Variants in ALS2 observed in about 807,000 individuals in gnomAD.
The protein encoded by ALS2 is alsin.
ALS2 carries 117 observed loss-of-function variants against 203.4 expected under a neutral mutation model. That is an observed-to-expected ratio of 0.58 (90% CI 0.50 to 0.67). The LOEUF is 0.67. Among genes scored for constraint, ALS2 ranks in the 30% least tolerant of loss-of-function variants. ALS2 has a pLI of 0.00. For missense variants in ALS2, 1,715 were observed against 1,989.4 expected (o/e 0.86, Z 2.62); for synonymous variants, 718 against 725.9 (o/e 0.99, Z 0.17).
At chr2:201,778,037 G>A (rs1430473535) in intron 1 of ALS2, among the ~76,000 whole-genome samples, 2 of 151,932 alleles carry the variant, frequency 1.3e-5, no homozygotes, top group African/African-American at 4.8e-5. Context: ...TTAGCCAATT[G>A]CCCCAAGTTT....
At chr2:201,762,291 T>C (rs1431436785) in intron 3 of ALS2, among the ~76,000 whole-genome samples, 1 of 152,246 alleles carries the variant, frequency 6.6e-6, no homozygotes, top group African/African-American at 2.4e-5. Flanking sequence ...CTTAAAAATA[T>C]TAGCGATTCA....
At chr2:201,745,891 A>G (rs571935164) in intron 9 of ALS2, among the ~76,000 whole-genome samples, 2 of 152,192 alleles carry the variant, frequency 1.3e-5, no homozygotes, top group East Asian at 3.9e-4. Context: ...AGAGGTTGCA[A>G]TGGGCCAAGA....
chr2:201,705,282 G>T, intron 30 of ALS2, 82 bp from the exon 31 acceptor site: 1 of 1,482,866 alleles, frequency 6.7e-7, no homozygotes, highest in Non-Finnish European at 9.4e-7. Flanking sequence ...TCAGAGTGCA[G>T]GTCTTTGGTA....
chr2:201,710,901 TA>T (rs1475519384), intron 26 of ALS2, 89 bp downstream of exon 26: 1 of 850,130 alleles, frequency 1.2e-6, no homozygotes, highest in African/African-American at 1.7e-5. Flanking sequence ...AGGATTAGAA[TA>T]ACATTAAGCT....
At chr2:201,748,771 T>C (rs901760277) in intron 8 of ALS2, among the ~76,000 whole-genome samples, 4 of 152,350 alleles carry the variant, frequency 2.6e-5, no homozygotes, top group African/African-American at 7.2e-5. Context: ...AAGCCTTTTC[T>C]TCCCAGTAAA....
Position 201,761,115 on chromosome 2 carries a change from A to T in ALS2, c.879T>A (p.Thr293=), listed in dbSNP as rs757197882. 1.1e-5 allele frequency: 17 copies of T among 1,614,174 alleles called. No individual in the cohort carries two copies. The highest frequency in any genetic ancestry group is 1.4e-5 in the Non-Finnish European group (16 of 1,180,042). The change falls in exon 4 of 34, where the codon ACT becomes ACA. Residue 293 remains threonine (T), a synonymous_variant. Coordinates refer to ENST00000264276, the MANE Select transcript of ALS2 (RefSeq NM_020919.4). ...CAACAGACTGATCATTTGCTACAAGAGTGTTCTCAAATACTTCTTCCTGCC... is the reference window on the plus strand; with the variant it reads ...CAACAGACTGATCATTTGCTACAAGTGTGTTCTCAAATACTTCTTCCTGCC... ...LDRQEEVFEN[T]LVANDQSVAT...
At chr2:201,752,108 A>T (rs1319809909) in intron 7 of ALS2, among the ~76,000 whole-genome samples, 1 of 152,146 alleles carries the variant, frequency 6.6e-6, no homozygotes, top group East Asian at 1.9e-4. Flanking sequence ...TAAATATTAC[A>T]CTGGAATATT....
At position 201,723,086 on chromosome 2, in the gene ALS2, A is replaced by G; in HGVS notation, c.3659T>C (p.Ile1220Thr). The change falls in exon 23 of 34, where the codon ATC becomes ACC. Residue 1220 changes from isoleucine to threonine, a missense_variant. Physicochemically the swap from Ile to Thr is moderately conservative, Grantham distance 89. Coordinates refer to ENST00000264276, the MANE Select transcript of ALS2 (RefSeq NM_020919.4). ...GTCATCTGAAAATTCTCCTTCATAG[A>G]TAGTATCATCTTCGGAAAGCAAAAC... ...NGVLLSEDDT[I>T]YEGEFSDDWT... 1 of 1,613,834 alleles carries G rather than the reference A, an allele frequency of 6.2e-7. No individual in the cohort carries two copies. The highest frequency in any genetic ancestry group is 2.2e-5 in the East Asian group (1 of 44,854).
chr2:201,724,508 T>C lies in ALS2; in HGVS notation c.3348-49A>G, dbSNP rs761196494. 21 of 1,593,176 alleles carry C rather than the reference T, an allele frequency of 1.3e-5. No individual in the cohort carries two copies. In the South Asian group the frequency reaches 1.9e-4, roughly 14 times the overall value. On this transcript the variant is annotated intron_variant, in intron 20 of 33. Transcript: ENST00000264276. The stretch of plus-strand genomic sequence containing the variant: ...TTATCACATGCACATTGAATTCTGA[T>C]GCTCATTTTTACAAAGTTTAGAAAA...
chr2:201,760,524 TAAG>T, intron 4 of ALS2: 2 of 1,036,846 alleles, frequency 1.9e-6, no homozygotes, highest in African/African-American at 3.4e-5. Flanking sequence ...CAAACACAAG[TAAG>T]AAGAATCTTT....
Position 201,744,192 on chromosome 2 carries a change from G to A in ALS2, c.2170+66C>T. On this transcript the variant is annotated intron_variant, in intron 10 of 33. Coordinates refer to ENST00000264276, the MANE Select transcript of ALS2 (RefSeq NM_020919.4). ...ATAAACTAACAGGTTTTCATTATTT[G>A]TGACATAGGAAGAAGAGATAAAGAC... 2.0e-6 allele frequency: 3 copies of A among 1,514,110 alleles called. No individual in the cohort carries two copies. The South Asian group carries it at 3.4e-5, about 17-fold the overall frequency. 93.8% of individuals were successfully genotyped at this position (1,514,110 alleles called of 1,614,324 possible).
At chr2:201,719,971 T>A (rs1356998183) in intron 23 of ALS2, 1 of 238,790 alleles carries the variant, frequency 4.2e-6, no homozygotes, top group Non-Finnish European at 8.4e-6. Context: ...AGTTAGAAAT[T>A]AAAAATTTTC....
chr2:201,766,287 T>C (rs1047243994), intron 3 of ALS2, among the ~76,000 whole-genome samples: 2 of 152,200 alleles, frequency 1.3e-5, no homozygotes, highest in African/African-American at 4.8e-5. Flanking sequence ...ATATTTTAAA[T>C]TTAAGAACTA....
chr2:201,749,533 C>T (rs373159979), intron 8 of ALS2, among the ~76,000 whole-genome samples, 179 bp downstream of exon 8: 5 of 152,164 alleles, frequency 3.3e-5, no homozygotes, highest in African/African-American at 9.6e-5. Flanking sequence ...ACATAAAAAA[C>T]GGATATTTAG....
intron 1 of ALS2, among the ~76,000 whole-genome samples, chr2:201,776,663 T>C (rs918870548): frequency 3.3e-5 from 5 of 152,278 alleles, no homozygotes; most frequent in Admixed American, 3.3e-4. Context: ...TGGCCACAAT[T>C]TTTTCAAAGG....
At chr2:201,738,785 T>C (rs1228475882) in intron 11 of ALS2, 50 bp from the exon 12 acceptor site, 2 of 1,477,050 alleles carry the variant, frequency 1.4e-6, no homozygotes, top group Admixed American at 1.7e-5. Context: ...GTAAATTAGT[T>C]CTTCAGTTTC....
intron 5 of ALS2, among the ~76,000 whole-genome samples, chr2:201,756,248 C>T (rs1693375659): frequency 1.3e-5 from 2 of 151,562 alleles, no homozygotes; most frequent in South Asian, 4.2e-4. Context: ...AAGTTTGGTG[C>T]AAGATTCTCC....
At chr2:201,762,420 T>C (rs1489161579) in intron 3 of ALS2, among the ~76,000 whole-genome samples, 1 of 152,232 alleles carries the variant, frequency 6.6e-6, no homozygotes, top group Non-Finnish European at 1.5e-5. Context: ...TTTGAGATGT[T>C]ACATAAATAT....
At chr2:201,760,516 A>C (rs1228686531) in intron 4 of ALS2, 1 of 1,028,618 alleles carries the variant, frequency 9.7e-7, no homozygotes, top group African/African-American at 1.7e-5. Context: ...GAGTGTTACA[A>C]ACACAAGTAA....
Sources: gnomAD v4.1 joint callset for allele counts (sites outside exome capture counted in the v4.1 genomes callset) on GRCh38, gnomAD v4.1.1 for gene constraint, MANE v1.5 for transcripts, NCBI Gene and HGNC (gene_info 2026-07-23, HGNC 2026-07-21) for gene names.